CLEC3A: variants seen among roughly 807,000 people sequenced by gnomAD.
CLEC3A encodes C-type lectin domain family 3 member A.
In CLEC3A, 28 loss-of-function variants were observed where a neutral mutation model predicts 20.4. The ratio of observed to expected loss-of-function variants is 1.37; its 90% CI spans 1.02 to 1.88. CLEC3A has a LOEUF of 1.88. CLEC3A is among the 40% of genes most tolerant of loss of function. The probability of loss-of-function intolerance (pLI) is 0.00; values close to 1 mark genes in which losing one functional copy is unlikely to be tolerated. For missense variants in CLEC3A, 357 were observed against 240.4 expected (o/e 1.48, Z -3.21); for synonymous variants, 110 against 88.1 (o/e 1.25, Z -1.39).
intron 1 of CLEC3A, among the ~76,000 whole-genome samples, chr16:78,027,518 G>T (rs2029962092): frequency 6.6e-6 from 1 of 152,194 alleles, no homozygotes; most frequent in Admixed American, 6.5e-5. Context: ...GGATGTGACT[G>T]GAGAGACAGA....
At chr16:78,022,953 AC>A (rs1420783446) in intron 1 of CLEC3A, among the ~76,000 whole-genome samples, 2 of 152,198 alleles carry the variant, frequency 1.3e-5, no homozygotes, top group Non-Finnish European at 2.9e-5. Context: ...TTAAAAAAAA[AC>A]AACAGGGAAA....
Position 78,022,601 on chromosome 16 carries a change from T to C in CLEC3A, c.-26T>C, listed in dbSNP as rs781695916. ...AGCTGCTCTAAGGGGGCTGGCAACATGGCTCAGCAGGCTTGCCCCAGAGCC... is the reference window on the plus strand; with the variant it reads ...AGCTGCTCTAAGGGGGCTGGCAACACGGCTCAGCAGGCTTGCCCCAGAGCC... On this transcript the variant is annotated 5_prime_UTR_variant, in exon 1 of 3. It removes an upstream start codon present in the reference 5' UTR. Transcript: ENST00000299642. The C allele has an allele frequency of 6.2e-7, 1 of 1,612,970 alleles. No homozygotes were observed. Among genetic ancestry groups the C allele is most frequent in the Admixed American group, 1.7e-5 (1 of 59,876 alleles).
intron 2 of CLEC3A, 140 bp downstream of exon 2, chr16:78,028,330 G>C (rs537240410): frequency 3.5e-6 from 2 of 574,884 alleles, no homozygotes; most frequent in Non-Finnish European, 6.0e-6. Flanking sequence ...GCCGGGAGAT[G>C]ATTGTTTTAG....
intron 1 of CLEC3A, among the ~76,000 whole-genome samples, chr16:78,027,209 G>A (rs2029949567): frequency 6.6e-6 from 1 of 151,934 alleles, no homozygotes; most frequent in Non-Finnish European, 1.5e-5. Context: ...TAAGACAGAT[G>A]AAATAAAGTA....
chr16:78,026,310 G>A (rs1379860452), intron 1 of CLEC3A, among the ~76,000 whole-genome samples: 1 of 152,182 alleles, frequency 6.6e-6, no homozygotes, highest in Non-Finnish European at 1.5e-5. Context: ...AGACTGTCCT[G>A]AAAAATCCAG....
chr16:78,030,914 A>G lies in CLEC3A; in HGVS notation c.*73A>G. ...GTTCATGATCTCTAAGATCAAGTAA[A>G]AATCATAATTTTTACTTATTAAAAA... is the stretch of plus-strand genomic sequence containing the variant. On this transcript the variant is annotated 3_prime_UTR_variant, in exon 3 of 3. Coordinates refer to ENST00000299642, the MANE Select transcript of CLEC3A (RefSeq NM_005752.6). 1 of 1,468,522 alleles carries G rather than the reference A, an allele frequency of 6.8e-7. No homozygotes were observed. Among genetic ancestry groups the G allele is most frequent in the East Asian group, 2.3e-5 (1 of 43,370 alleles). 91.0% of individuals were successfully genotyped at this position (1,468,522 alleles called of 1,614,324 possible).
intron 2 of CLEC3A, among the ~76,000 whole-genome samples, chr16:78,030,214 C>G (rs1042985731): frequency 6.7e-6 from 1 of 150,172 alleles, no homozygotes; most frequent in Non-Finnish European, 1.5e-5. Flanking sequence ...GCCTAAATAT[C>G]CTGATATGTA....
intron 1 of CLEC3A, among the ~76,000 whole-genome samples, chr16:78,027,034 G>C (rs1023435642): frequency 1.3e-5 from 2 of 152,168 alleles, no homozygotes; most frequent in African/African-American, 4.8e-5. Context: ...CATTGGACTT[G>C]TCCTCATTCT....
chr16:78,027,652 TTTTG>T (rs999274767), intron 1 of CLEC3A, among the ~76,000 whole-genome samples: 9 of 152,294 alleles, frequency 5.9e-5, no homozygotes, highest in African/African-American at 1.9e-4. Flanking sequence ...TTCATTGTTT[TTTTG>T]TTTGTTTGGT....
chr16:78,026,263 T>A (rs1372128510), intron 1 of CLEC3A, among the ~76,000 whole-genome samples: 1 of 152,104 alleles, frequency 6.6e-6, no homozygotes, highest in African/African-American at 2.4e-5. Flanking sequence ...ATGAAGCACA[T>A]GTTTAAGGGG....
chr16:78,025,901 G>A (rs973429421), intron 1 of CLEC3A, among the ~76,000 whole-genome samples: 2 of 152,158 alleles, frequency 1.3e-5, no homozygotes, highest in Non-Finnish European at 2.9e-5. Context: ...TAATTACAAT[G>A]TTTACAATCT....
intron 1 of CLEC3A, among the ~76,000 whole-genome samples, chr16:78,024,717 T>G (rs1668959604): frequency 6.6e-6 from 1 of 152,210 alleles, no homozygotes. Context: ...ATACCAGTGT[T>G]AAAGAGATCA....
In CLEC3A at chr16:78,030,750, T is replaced by C. The variant is rs146092719; in HGVS notation, c.503T>C (p.Val168Ala). 6.2e-7 allele frequency: 1 copy of C among 1,614,118 alleles called. No homozygotes were observed. Among genetic ancestry groups the C allele is most frequent in the Non-Finnish European group, 8.5e-7 (1 of 1,180,004 alleles). ...AACGGTGGCAAGCGAGAAAACTGTG[T>C]CCTGTTCTCCCAATCAGCTCAGGGC... ...QPNGGKRENC[V>A]LFSQSAQGKW... is the part of the protein sequence containing the mutation. The change falls in exon 3 of 3, where the codon GTC becomes GCC. Residue 168 changes from valine (V) to alanine (A), a missense_variant. Coordinates refer to ENST00000299642, the MANE Select transcript of CLEC3A (RefSeq NM_005752.6).
chr16:78,028,886 T>C (rs1337082699), intron 2 of CLEC3A, among the ~76,000 whole-genome samples: 2 of 152,240 alleles, frequency 1.3e-5, no homozygotes, highest in Non-Finnish European at 2.9e-5. Context: ...ACCAGATGCA[T>C]GTTACCAACC....
chr16:78,030,434 C>T lies in CLEC3A; in HGVS notation c.200-13C>T, dbSNP rs745994983. On this transcript the variant is annotated splice_polypyrimidine_tract_variant and intron_variant, in intron 2 of 2. Coordinates refer to ENST00000299642, the MANE Select transcript of CLEC3A (RefSeq NM_005752.6). ...AAATGCATCTTAATATGTTACACTTCACATCTTCACAGTCTGTCTCCGAGG... is the reference window on the plus strand; with the variant it reads ...AAATGCATCTTAATATGTTACACTTTACATCTTCACAGTCTGTCTCCGAGG... 1 of 1,577,948 alleles carries T rather than the reference C, an allele frequency of 6.3e-7. No individual in the cohort carries two copies. The highest frequency in any genetic ancestry group is 1.2e-5 in the South Asian group (1 of 84,932).
Position 78,023,030 on chromosome 16 carries a change from T to C in CLEC3A, c.115+289T>C, listed in dbSNP as rs896181721. ...TTAGGTGGGCTTAAATAGAATGTGC[T>C]TCAGAGGAAGCTCAAGTGGATTTCT... On this transcript the variant is annotated intron_variant, in intron 1 of 2. Coordinates refer to ENST00000299642, the MANE Select transcript of CLEC3A (RefSeq NM_005752.6). Among the ~76,000 whole-genome samples, 4 of 152,352 alleles carry C rather than the reference T, an allele frequency of 2.6e-5. No individual in the cohort carries two copies. In the East Asian group the frequency reaches 5.8e-4, roughly 22 times the overall value.
chr16:78,026,281 A>G (rs762301788), intron 1 of CLEC3A, among the ~76,000 whole-genome samples: 28 of 152,218 alleles, frequency 1.8e-4, no homozygotes, highest in Non-Finnish European at 4.0e-4. Flanking sequence ...GGGACAGTGA[A>G]TTAGCACATG....
rs2030065894 is a variant in CLEC3A, at chr16:78,030,605, A to G, written c.358A>G (p.Arg120Gly). The change falls in exon 3 of 3, where the codon AGG (arginine) becomes GGG (glycine). Residue 120 changes from arginine (R) to glycine (G), a missense_variant. Coordinates refer to ENST00000299642, the MANE Select transcript of CLEC3A (RefSeq NM_005752.6). ...EINALQDYGK[R>G]SLPGVNDFWL... ...CAACGCCCTCCAAGACTATGGTAAA[A>G]GGAGCCTGCCAGGTGTCAATGACTT... The G allele has an allele frequency of 1.2e-6, 2 of 1,614,154 alleles. No individual in the cohort carries two copies. Among genetic ancestry groups the G allele is most frequent in the Non-Finnish European group, 1.7e-6 (2 of 1,180,022 alleles).
Position 78,029,724 on chromosome 16 carries a change from A to G in CLEC3A, c.200-723A>G, listed in dbSNP as rs923354823. ...AATATTAAATACCATCTAGTTCCAA[A>G]ACTCCCAAAGAAATCCAACACAGAG... On this transcript the variant is annotated intron_variant, in intron 2 of 2. Transcript: ENST00000299642. 1.4e-4 allele frequency among the ~76,000 whole-genome samples: 22 copies of G among 151,988 alleles called. 1 individual carries two copies. Among genetic ancestry groups the G allele is most frequent in the Non-Finnish European group, 2.9e-4 (20 of 68,018 alleles).
Sources: allele counts gnomAD v4.1 joint callset (sites outside exome capture counted in the v4.1 genomes callset), GRCh38; gene constraint gnomAD v4.1.1; transcripts MANE v1.5; gene names NCBI Gene and HGNC (gene_info 2026-07-23, HGNC 2026-07-21).